ROR1: variants seen among roughly 807,000 people sequenced by gnomAD.
ROR1 encodes the protein ROR family WNT receptor 1.
In ROR1, 19 loss-of-function variants were observed where a neutral mutation model predicts 78.8. That is an observed-to-expected ratio of 0.24 (90% CI 0.17 to 0.35). The LOEUF is 0.35. Ranked by LOEUF, ROR1 falls within the 10% of genes least tolerant of loss-of-function variation. ROR1 has a pLI of 1.00. For synonymous variants in ROR1, 386 were observed against 433.6 expected (o/e 0.89, Z 1.36); for missense variants, 917 against 1,177.8 (o/e 0.78, Z 3.24).
At position 64,178,159 on chromosome 1, in the gene ROR1, A is replaced by G. The variant is rs1294274874; in HGVS notation, c.2118A>G (p.Arg706=). 1 of 1,614,144 alleles carries G rather than the reference A, an allele frequency of 6.2e-7. No individual in the cohort carries two copies. Among genetic ancestry groups the G allele is most frequent in the Admixed American group, 1.7e-5 (1 of 60,016 alleles). ...ACCAGGAAGTGATTGAGATGGTGAG[A>G]AAACGGCAGCTCTTACCATGCTCTG... ...FSNQEVIEMV[R]KRQLLPCSED... The change falls in exon 9 of 9, where the codon AGA becomes AGG. Residue 706 remains arginine (R), a synonymous_variant. Transcript: ENST00000371079. The surrounding 1 kb of genome is among the most constrained non-coding windows in gnomAD (Gnocchi z 4.3).
chr1:64,141,496 C>G (rs1247915742), intron 6 of ROR1, among the ~76,000 whole-genome samples: 2 of 152,146 alleles, frequency 1.3e-5, no homozygotes, highest in African/African-American at 4.8e-5. Flanking sequence ...TCCCACCAGG[C>G]CCCACCTCCA....
At chr1:63,947,886 G>A (rs1645903227) in intron 1 of ROR1, among the ~76,000 whole-genome samples, 2 of 152,088 alleles carry the variant, frequency 1.3e-5, no homozygotes, top group South Asian at 2.1e-4. Context: ...AATCATGCTG[G>A]TGAACAGATA....
chr1:64,122,006 A>G (rs1390498254), intron 4 of ROR1, among the ~76,000 whole-genome samples: 1 of 152,188 alleles, frequency 6.6e-6, no homozygotes, highest in East Asian at 1.9e-4. Flanking sequence ...CAGGTGCTCA[A>G]TTAGTGCTAG....
At chr1:64,067,047 A>G (rs1569668994) in intron 4 of ROR1, among the ~76,000 whole-genome samples, 1 of 152,156 alleles carries the variant, frequency 6.6e-6, no homozygotes, top group Admixed American at 6.5e-5. Context: ...TCAGATGCTA[A>G]ATTTTCATGG....
chr1:64,008,671 G>A (rs1646450016), intron 1 of ROR1, among the ~76,000 whole-genome samples: 1 of 151,968 alleles, frequency 6.6e-6, no homozygotes, highest in South Asian at 2.1e-4. Flanking sequence ...GTCTCGCTAT[G>A]TCAGCCAGGC....
intron 1 of ROR1, among the ~76,000 whole-genome samples, chr1:63,981,592 G>A (rs976662814): frequency 3.9e-5 from 6 of 152,118 alleles, no homozygotes; most frequent in African/African-American, 1.4e-4. Flanking sequence ...CTGCCAGACT[G>A]CAGTGAGTCA....
chr1:64,118,410 T>C (rs1242520424), intron 4 of ROR1, among the ~76,000 whole-genome samples: 2 of 151,722 alleles, frequency 1.3e-5, no homozygotes, highest in Non-Finnish European at 2.9e-5. Context: ...AGGCAGATCA[T>C]GAGGTCAGGA....
intron 1 of ROR1, among the ~76,000 whole-genome samples, chr1:63,933,883 C>T (rs977277067): frequency 6.6e-6 from 1 of 152,146 alleles, no homozygotes; most frequent in Non-Finnish European, 1.5e-5. Flanking sequence ...AAGTTCCGCA[C>T]CTTCGTGTCT....
chr1:63,990,494 C>G (rs367729700), intron 1 of ROR1, among the ~76,000 whole-genome samples: 1 of 49,912 alleles, frequency 2.0e-5, no homozygotes, highest in Non-Finnish European at 5.0e-5. Context: ...TGAAAGAATT[C>G]TGGATTTACA....
intron 4 of ROR1, among the ~76,000 whole-genome samples, chr1:64,076,544 T>C (rs550877211): frequency 7.9e-5 from 12 of 152,000 alleles, no homozygotes; most frequent in Non-Finnish European, 1.2e-4. Context: ...AAAATTGGCA[T>C]GCAGCCATTT....
At chr1:63,891,779 A>T (rs1440693152) in intron 1 of ROR1, among the ~76,000 whole-genome samples, 1 of 152,074 alleles carries the variant, frequency 6.6e-6, no homozygotes, top group Non-Finnish European at 1.5e-5. Flanking sequence ...CAAAGATCCT[A>T]GTTCTTGGGC....
chr1:64,037,520 A>G (rs1052723598), intron 2 of ROR1, among the ~76,000 whole-genome samples: 9 of 152,080 alleles, frequency 5.9e-5, no homozygotes, highest in Non-Finnish European at 1.3e-4. Context: ...TTTATCATGC[A>G]ATTCTTGTGT....
intron 4 of ROR1, among the ~76,000 whole-genome samples, chr1:64,108,974 G>A (rs995577500): frequency 6.6e-6 from 1 of 152,138 alleles, no homozygotes; most frequent in African/African-American, 2.4e-5. Flanking sequence ...AAGGGCCACA[G>A]GTATCTTGGA....
intron 1 of ROR1, among the ~76,000 whole-genome samples, chr1:63,893,045 G>A (rs1036505413): frequency 2.6e-5 from 4 of 152,178 alleles, no homozygotes; most frequent in Non-Finnish European, 5.9e-5. Flanking sequence ...CATTTCTATG[G>A]TGTCAGCCGC....
chr1:63,921,580 A>G (rs1445039780), intron 1 of ROR1, among the ~76,000 whole-genome samples: 2 of 151,812 alleles, frequency 1.3e-5, no homozygotes, highest in Non-Finnish European at 2.9e-5. Context: ...TTAAGGCCCA[A>G]TGGCACGGTT....
At chr1:63,900,895 A>G (rs1182933477) in intron 1 of ROR1, among the ~76,000 whole-genome samples, 3 of 152,194 alleles carry the variant, frequency 2.0e-5, no homozygotes, top group Non-Finnish European at 4.4e-5. Flanking sequence ...AACACTTAAC[A>G]TGGCTCTGTG....
intron 1 of ROR1, among the ~76,000 whole-genome samples, chr1:63,956,253 G>A (rs549368104): frequency 3.9e-5 from 6 of 152,242 alleles, no homozygotes; most frequent in African/African-American, 7.2e-5. Flanking sequence ...CTTCTGTATC[G>A]CTCTAGCTGG....
chr1:63,919,884 A>G (rs1645640606), intron 1 of ROR1, among the ~76,000 whole-genome samples: 1 of 152,194 alleles, frequency 6.6e-6, no homozygotes, highest in Non-Finnish European at 1.5e-5. Flanking sequence ...AGTAATAGGA[A>G]TCAGCAGAAA....
At chr1:63,903,446 A>G (rs939598610) in intron 1 of ROR1, among the ~76,000 whole-genome samples, 12 of 149,132 alleles carry the variant, frequency 8.0e-5, no homozygotes, top group African/African-American at 3.0e-4. Context: ...TTTTTTTTTT[A>G]CCCACTTCAC....
Sources: gnomAD v4.1 joint callset for allele counts (sites outside exome capture counted in the v4.1 genomes callset) on GRCh38, gnomAD v4.1.1 for gene constraint, Gnocchi (gnomAD v3.1) non-coding constraint, MANE v1.5 for transcripts, NCBI Gene and HGNC (gene_info 2026-07-23, HGNC 2026-07-21) for gene names.